Variants in TBCE observed in about 807,000 individuals in gnomAD.
TBCE encodes the protein tubulin folding cofactor E.
A neutral mutation model predicts 77.0 loss-of-function variants in TBCE; 53 were observed. The observed-to-expected ratio is 0.69, with a 90% CI of 0.55 to 0.87. The LOEUF is 0.87. TBCE is among the 40% of genes least tolerant of loss of function. TBCE has a pLI of 0.00. For missense variants in TBCE, 624 were observed against 622.4 expected (o/e 1.00, Z -0.03); for synonymous variants, 235 against 241.3 (o/e 0.97, Z 0.24).
Position 235,449,908 on chromosome 1 carries a change from A to G in TBCE, c.*1146A>G. ...AACTATAGGTAATGGTGAATTACTA[A>G]TTAGCCACAATGCATCAGGATTTAG... On this transcript the variant is annotated 3_prime_UTR_variant, in exon 17 of 17. Coordinates refer to ENST00000642610, the MANE Select transcript of TBCE (RefSeq NM_003193.5). 1 of 243,554 alleles carries G rather than the reference A, an allele frequency of 4.1e-6. No homozygotes were observed. Among genetic ancestry groups the G allele is most frequent in the South Asian group, 7.0e-5 (1 of 14,256 alleles). 15.1% of individuals were successfully genotyped at this position (243,554 alleles called of 1,614,324 possible). A position where few individuals can be genotyped will look rare whatever the true frequency, so the allele number is the denominator to read the frequency against.
chr1:235,416,812 A>G (rs1012667458), intron 4 of TBCE, among the ~76,000 whole-genome samples: 3 of 152,234 alleles, frequency 2.0e-5, no homozygotes, highest in Admixed American at 6.5e-5. Context: ...AGATTAGTCA[A>G]TTCAGAAATT....
chr1:235,426,487 G>A (rs1680721510), intron 5 of TBCE, among the ~76,000 whole-genome samples: 2 of 152,130 alleles, frequency 1.3e-5, no homozygotes, highest in African/African-American at 2.4e-5. Context: ...AGGCTTGTGT[G>A]TATACCTTAG....
At chr1:235,393,123 C>T (rs1318787372) in intron 2 of TBCE, among the ~76,000 whole-genome samples, 4 of 152,194 alleles carry the variant, frequency 2.6e-5, no homozygotes, top group Non-Finnish European at 4.4e-5. Flanking sequence ...CCTGTGGTTA[C>T]ACTTTGTTTT....
Position 235,419,521 on chromosome 1 carries a change from T to C in TBCE, c.420T>C (p.Ser140=), listed in dbSNP as rs1680279989. 6.2e-7 allele frequency: 1 copy of C among 1,614,026 alleles called. No homozygotes were observed. Among genetic ancestry groups the C allele is most frequent in the Admixed American group, 1.7e-5 (1 of 59,994 alleles). The change falls in exon 5 of 17, where the codon AGT becomes AGC. Residue 140 remains serine (S), a synonymous_variant. Transcript: ENST00000642610. ...TTTCTCTGAGGAACTGTGCAGTAAG[T>C]TGTGCTGGTGAAAAAGGAGGAGTTG... ...QEVSLRNCAV[S]CAGEKGGVAE...
At chr1:235,424,202 G>A (rs956006529) in intron 5 of TBCE, among the ~76,000 whole-genome samples, 5 of 152,180 alleles carry the variant, frequency 3.3e-5, no homozygotes, top group South Asian at 4.1e-4. Flanking sequence ...CGTTTGTTCT[G>A]CTATGAGAAA....
At chr1:235,447,770 A>C (rs1404410628) in intron 15 of TBCE, among the ~76,000 whole-genome samples, 1 of 152,208 alleles carries the variant, frequency 6.6e-6, no homozygotes, top group Non-Finnish European at 1.5e-5. Flanking sequence ...AGATTAAGAA[A>C]GAAATACACT....
At chr1:235,401,199 C>G (rs1679081357) in intron 2 of TBCE, among the ~76,000 whole-genome samples, 1 of 151,928 alleles carries the variant, frequency 6.6e-6, no homozygotes, top group Admixed American at 6.6e-5. Flanking sequence ...TGGTATTTGT[C>G]CTTTTATGGT....
At chr1:235,427,432 T>C (rs1023414708) in intron 6 of TBCE, among the ~76,000 whole-genome samples, 193 bp downstream of exon 6, 2 of 152,182 alleles carry the variant, frequency 1.3e-5, no homozygotes, top group African/African-American at 4.8e-5. Context: ...TTCCTTTTAA[T>C]GAAAAGCAGC....
intron 5 of TBCE, among the ~76,000 whole-genome samples, chr1:235,426,687 C>T (rs1291260256): frequency 1.3e-5 from 2 of 152,126 alleles, no homozygotes; most frequent in African/African-American, 4.8e-5. Flanking sequence ...ACTCTGTCAC[C>T]CAGGCTGGAG....
At chr1:235,388,332 A>C (rs1462596369) in intron 2 of TBCE, among the ~76,000 whole-genome samples, 1 of 121,774 alleles carries the variant, frequency 8.2e-6, no homozygotes, top group African/African-American at 3.3e-5. Context: ...TTTGTTGCCC[A>C]GGCTGGAGTG....
intron 3 of TBCE, among the ~76,000 whole-genome samples, chr1:235,406,904 G>A (rs1365840406): frequency 2.8e-5 from 4 of 140,966 alleles, no homozygotes; most frequent in Non-Finnish European, 6.0e-5. Flanking sequence ...GCGTGATCTC[G>A]CCTCACTGCA....
chr1:235,401,457 C>G (rs748099681), intron 2 of TBCE, 46 bp from the exon 3 acceptor site: 1 of 1,519,982 alleles, frequency 6.6e-7, no homozygotes, highest in South Asian at 1.1e-5. Flanking sequence ...TGGAGCATTG[C>G]CTGTATCATC....
intron 2 of TBCE, among the ~76,000 whole-genome samples, chr1:235,386,936 A>G (rs539394717): frequency 2.6e-5 from 4 of 151,750 alleles, no homozygotes; most frequent in Non-Finnish European, 5.9e-5. Flanking sequence ...GGTTTTATCT[A>G]CTTTTGGTCT....
chr1:235,432,469 G>C (rs866600592), intron 7 of TBCE, among the ~76,000 whole-genome samples: 11 of 152,176 alleles, frequency 7.2e-5, no homozygotes, highest in African/African-American at 2.7e-4. Context: ...TCAAGGTGTA[G>C]ATGTAGCTGG....
intron 13 of TBCE, chr1:235,441,348 G>A: frequency 4.4e-6 from 1 of 227,864 alleles, no homozygotes. Flanking sequence ...ACGGTCTGGT[G>A]GAAACGTGAG....
intron 13 of TBCE, chr1:235,441,323 C>T (rs1375939212): frequency 5.2e-6 from 1 of 193,958 alleles, no homozygotes; most frequent in Non-Finnish European, 1.1e-5. Context: ...TACTGAGCAC[C>T]CAGCCTGGCA....
chr1:235,444,822 G>A (rs1396592560), intron 15 of TBCE, among the ~76,000 whole-genome samples: 1 of 152,268 alleles, frequency 6.6e-6, no homozygotes, highest in Non-Finnish European at 1.5e-5. Flanking sequence ...ATTTGCTCAA[G>A]AATATTGTCA....
intron 3 of TBCE, among the ~76,000 whole-genome samples, chr1:235,402,882 C>T (rs1487056931): frequency 1.3e-5 from 2 of 152,146 alleles, no homozygotes; most frequent in South Asian, 2.1e-4. Context: ...CCTCCCACCT[C>T]GGCTTCTCAA....
At chr1:235,384,186 A>C in intron 2 of TBCE, among the ~76,000 whole-genome samples, 1 of 129,830 alleles carries the variant, frequency 7.7e-6, no homozygotes, top group Non-Finnish European at 1.6e-5. Flanking sequence ...ATGGTGGATA[A>C]GCTTTTTGAT....
Sources: gnomAD v4.1 joint callset for allele counts (sites outside exome capture counted in the v4.1 genomes callset) on GRCh38, gnomAD v4.1.1 for gene constraint, MANE v1.5 for transcripts, NCBI Gene and HGNC (gene_info 2026-07-23, HGNC 2026-07-21) for gene names.